SLC33A2: variants seen among roughly 807,000 people sequenced by gnomAD.
The protein encoded by SLC33A2 is major facilitator superfamily domain containing 3.
At chr8:144,509,590 G>C in the SLC33A2 span, 1 of 1,537,186 alleles carries the variant, frequency 6.5e-7, no homozygotes, top group South Asian at 1.2e-5. Flanking sequence ...CTGCTTGCCG[G>C]GCTGCCCCCT....
At chr8:144,510,038 CAACAGCAG>C in the SLC33A2 span, 1 of 1,583,178 alleles carries the variant, frequency 6.3e-7, no homozygotes, top group Non-Finnish European at 8.5e-7. Flanking sequence ...TCGAGCCAGG[CAACAGCAG>C]TTGGGGCTTC....
the SLC33A2 span, chr8:144,509,952 C>T: frequency 6.3e-7 from 1 of 1,594,278 alleles, no homozygotes; most frequent in African/African-American, 1.3e-5. Context: ...GCACCTTCTG[C>T]GGGACGTGCT....
chr8:144,510,708 G>A, the SLC33A2 span: 3 of 1,578,814 alleles, frequency 1.9e-6, no homozygotes, highest in East Asian at 2.3e-5. Flanking sequence ...ATGGACGCTG[G>A]CACAATCTTG....
At chr8:144,510,109 G>A in the SLC33A2 span, 3 of 1,422,944 alleles carry the variant, frequency 2.1e-6, no homozygotes, top group South Asian at 1.3e-5. Flanking sequence ...ACAGGGCCAC[G>A]CTCTTTCTGG....
the SLC33A2 span, chr8:144,510,409 C>T: frequency 5.6e-6 from 9 of 1,612,698 alleles, no homozygotes; most frequent in South Asian, 2.2e-5. Context: ...TGGACCACGG[C>T]GTTTCTGCTC....
the SLC33A2 span, chr8:144,509,651 G>GTTGT: frequency 6.5e-7 from 1 of 1,547,096 alleles, no homozygotes; most frequent in Non-Finnish European, 8.7e-7. Flanking sequence ...GGTTGCTGCT[G>GTTGT]TTGTTGAACC....
chr8:144,510,855 C>T, the SLC33A2 span: 1 of 1,610,286 alleles, frequency 6.2e-7, no homozygotes, highest in South Asian at 1.1e-5. Flanking sequence ...CCACAGTCAC[C>T]TTCACTGGGA....
the SLC33A2 span, chr8:144,510,513 C>G: frequency 6.2e-7 from 1 of 1,612,450 alleles, no homozygotes; most frequent in Non-Finnish European, 8.5e-7. Flanking sequence ...CACTGGTGAG[C>G]CCTCCCCAGT....
the SLC33A2 span, chr8:144,510,132 A>G: frequency 1.5e-6 from 2 of 1,358,702 alleles, no homozygotes; most frequent in South Asian, 1.4e-5. Flanking sequence ...TATGACCTGC[A>G]AGACTTGGCC....
chr8:144,510,741 G>C, the SLC33A2 span: 1 of 1,602,538 alleles, frequency 6.2e-7, no homozygotes, highest in East Asian at 2.2e-5. Context: ...CTGGCCTTGA[G>C]GAGGAAGAGA....
the SLC33A2 span, chr8:144,510,941 G>A: frequency 0.024 from 37,851 of 1,599,952 alleles, 541 homozygotes; most frequent in Middle Eastern, 0.052. Context: ...GAGACCACGG[G>A]GCTGGGGCTG....
chr8:144,510,573 G>C, the SLC33A2 span: 2 of 1,596,738 alleles, frequency 1.3e-6, no homozygotes, highest in Non-Finnish European at 1.7e-6. Flanking sequence ...CCACTATACT[G>C]ACCCATTTCC....
the SLC33A2 span, chr8:144,510,774 G>T: frequency 6.2e-7 from 1 of 1,610,678 alleles, no homozygotes. Flanking sequence ...CTGGGGCACT[G>T]CTGACTTCTG....
the SLC33A2 span, chr8:144,510,596 AG>A: frequency 1.9e-6 from 3 of 1,585,736 alleles, no homozygotes; most frequent in African/African-American, 4.0e-5. Context: ...CCCCCATCCC[AG>A]GAAACTGCTG....
At chr8:144,510,809 G>C in the SLC33A2 span, 5 of 1,611,482 alleles carry the variant, frequency 3.1e-6, no homozygotes, top group Non-Finnish European at 4.2e-6. Flanking sequence ...GCCTTGCTGA[G>C]CCTATGTCTG....
the SLC33A2 span, chr8:144,510,587 C>T: frequency 6.3e-7 from 1 of 1,589,038 alleles, no homozygotes; most frequent in Admixed American, 1.7e-5. Context: ...CATTTCCCAC[C>T]CCCATCCCAG....
At chr8:144,510,910 A>G in the SLC33A2 span, 8 of 1,603,408 alleles carry the variant, frequency 5.0e-6, no homozygotes, top group Middle Eastern at 1.6e-4. Flanking sequence ...GCAGGTGAGT[A>G]GATGTAGCAG....
the SLC33A2 span, chr8:144,509,324 C>A: frequency 6.9e-7 from 1 of 1,453,752 alleles, no homozygotes; most frequent in Non-Finnish European, 9.0e-7. Flanking sequence ...CGCAGCCGGC[C>A]TGAGCCGCCA....
At chr8:144,510,012 CT>C in the SLC33A2 span, 1 of 1,593,774 alleles carries the variant, frequency 6.3e-7, no homozygotes, top group Admixed American at 1.7e-5. Flanking sequence ...CACCTACAAG[CT>C]GGGTGAGTGA....
Sources: gnomAD v4.1 joint callset for allele counts on GRCh38, gnomAD v4.1.1 for gene constraint, MANE v1.5 for transcripts, NCBI Gene and HGNC (gene_info 2026-07-23, HGNC 2026-07-21) for gene names.